GTSF1: variants seen among roughly 807,000 people sequenced by gnomAD.
GTSF1 encodes gametocyte specific factor 1.
GTSF1 carries 11 observed loss-of-function variants against 28.9 expected under a neutral mutation model. That is an observed-to-expected ratio of 0.38 (90% CI 0.24 to 0.63). The LOEUF (loss-of-function observed/expected upper bound fraction) is 0.63. Ranked by LOEUF, GTSF1 falls within the 30% of genes least tolerant of loss-of-function variation. The pLI is 0.56. For missense variants in GTSF1, 146 were observed against 201.0 expected (o/e 0.73, Z 1.66); for synonymous variants, 69 against 65.6 (o/e 1.05, Z -0.25).
intron 2 of GTSF1, among the ~76,000 whole-genome samples, chr12:54,469,192 C>T (rs1433302729): frequency 6.6e-6 from 1 of 152,086 alleles, no homozygotes; most frequent in African/African-American, 2.4e-5. Flanking sequence ...AATTCTCCTG[C>T]CTCAGCCTCC....
rs1264988725 is a variant in GTSF1, at chr12:54,471,244, T to C, written c.5A>G (p.Glu2Gly). Residue 2 changes from glutamate (E) to glycine (G), a missense_variant, in exon 2 of 9, where the codon GAA becomes GGA. Coordinates refer to ENST00000305879, the MANE Select transcript of GTSF1 (RefSeq NM_144594.3). ...CAAGGAGTACATACTGTAAGTTTCT[T>C]CCATGTTGGAAATGAAGAAGCTGAA... M[E>G]ETYTDSLDPE... The C allele has an allele frequency of 1.3e-6, 2 of 1,594,098 alleles. No individual in the cohort carries two copies. The highest frequency in any genetic ancestry group is 1.7e-4 in the Middle Eastern group (1 of 5,956).
chr12:54,472,800 T>C (rs556270027), intron 1 of GTSF1, among the ~76,000 whole-genome samples: 10 of 152,324 alleles, frequency 6.6e-5, no homozygotes, highest in Admixed American at 3.3e-4. Flanking sequence ...TGACAATCAT[T>C]AGTGAATTTG....
rs758444307 is a variant in GTSF1, at chr12:54,459,243, T to C, written c.488-118A>G. 1.8e-5 allele frequency: 26 copies of C among 1,416,584 alleles called. No homozygotes were observed. In the South Asian group the frequency reaches 2.4e-4, roughly 13 times the overall value. The allele number at this position is 1,416,584 out of a possible 1,614,324, so 87.8% of individuals were successfully genotyped here. A position where few individuals can be genotyped will look rare whatever the true frequency, so the allele number is the denominator to read the frequency against. ...TGTATACTGAATTATAATATAAAAG[T>C]AGAAGAATTTAATATTAGTAATCAG... On this transcript the variant is annotated intron_variant, in intron 7 of 8. Transcript: ENST00000305879.
chr12:54,464,367 G>A (rs1458214010), intron 3 of GTSF1, among the ~76,000 whole-genome samples: 1 of 152,186 alleles, frequency 6.6e-6, no homozygotes, highest in Non-Finnish European at 1.5e-5. Flanking sequence ...GATACATGAT[G>A]TTTCCAGGAT....
intron 1 of GTSF1, among the ~76,000 whole-genome samples, chr12:54,473,073 G>C (rs1183221958): frequency 6.6e-6 from 1 of 152,132 alleles, no homozygotes. Context: ...ACTTAGCCGT[G>C]TCTGTTTTAA....
At chr12:54,463,544 T>C (rs1339795835) in intron 3 of GTSF1, among the ~76,000 whole-genome samples, 2 of 152,212 alleles carry the variant, frequency 1.3e-5, no homozygotes, top group Non-Finnish European at 2.9e-5. Flanking sequence ...AACACAGATA[T>C]TGTTAGCTAA....
At chr12:54,457,799 T>C (rs1005715367) in intron 8 of GTSF1, among the ~76,000 whole-genome samples, 1 of 152,202 alleles carries the variant, frequency 6.6e-6, no homozygotes, top group African/African-American at 2.4e-5. Flanking sequence ...TCTCTTTTCC[T>C]TCTGGGACCA....
At chr12:54,473,121 C>G (rs1313810273) in intron 1 of GTSF1, among the ~76,000 whole-genome samples, 1 of 152,104 alleles carries the variant, frequency 6.6e-6, no homozygotes, top group Non-Finnish European at 1.5e-5. Flanking sequence ...GATTCTTTAC[C>G]TTTTCCCTAC....
At chr12:54,471,115 T>A (rs376783306) in intron 2 of GTSF1, 118 bp downstream of exon 2, 8 of 662,068 alleles carry the variant, frequency 1.2e-5, no homozygotes, top group Middle Eastern at 4.6e-4. Context: ...CATAAAGACT[T>A]TTCCTCCTTA....
Position 54,471,242 on chromosome 12 carries a change from C to T in GTSF1, c.7G>A (p.Glu3Lys). The T allele has an allele frequency of 6.3e-7, 1 of 1,592,952 alleles. No individual in the cohort carries two copies. The highest frequency in any genetic ancestry group is 8.5e-7 in the Non-Finnish European group (1 of 1,171,722). ME[E>K]TYTDSLDPEK... The stretch of plus-strand genomic sequence containing the variant: ...AACAAGGAGTACATACTGTAAGTTT[C>T]TTCCATGTTGGAAATGAAGAAGCTG... The change falls in exon 2 of 9, where the codon GAA (glutamate) becomes AAA (lysine). Residue 3 changes from glutamate to lysine, a missense_variant. Glu to Lys is a moderately conservative substitution (Grantham distance 56). Coordinates refer to ENST00000305879, the MANE Select transcript of GTSF1 (RefSeq NM_144594.3).
intron 5 of GTSF1, among the ~76,000 whole-genome samples, 198 bp downstream of exon 5, chr12:54,462,444 C>T (rs1274034896): frequency 6.6e-6 from 1 of 152,128 alleles, no homozygotes; most frequent in African/African-American, 2.4e-5. Context: ...TAAAGAAGTG[C>T]TTTTTCCAAT....
At chr12:54,459,722 CTTTTT>C in intron 7 of GTSF1, 23 of 133,030 alleles carry the variant, frequency 1.7e-4, no homozygotes, top group South Asian at 1.0e-3. Flanking sequence ...GATATTATGC[CTTTTT>C]TTTTTTTTTT....
At chr12:54,459,719 TGCC>T in intron 7 of GTSF1, 2 of 168,220 alleles carry the variant, frequency 1.2e-5, no homozygotes, top group Non-Finnish European at 2.5e-5. Context: ...ACTGATATTA[TGCC>T]TTTTTTTTTT....
intron 1 of GTSF1, among the ~76,000 whole-genome samples, chr12:54,471,505 A>T (rs1473017572): frequency 6.6e-6 from 1 of 152,174 alleles, no homozygotes; most frequent in African/African-American, 2.4e-5. Context: ...GGGCCTACCA[A>T]ATAGTTAAGA....
At chr12:54,459,694 T>TGATCCCAATTCCC in intron 7 of GTSF1, 1 of 205,994 alleles carries the variant, frequency 4.9e-6, no homozygotes, top group Non-Finnish European at 9.9e-6. Flanking sequence ...ATCCAATTTC[T>TGATCCCAATTCCC]GATCCCAATT....
In GTSF1 at chr12:54,456,042, G is replaced by A. The variant is rs1400549660; in HGVS notation, c.*132C>T. Reference sequence around the variant, plus strand: ...GGATTCAAGGGGGGAGGAAAAAAGTGTGCTTGTCAGTTTGGAAAGTCACAG... The same window carrying A: ...GGATTCAAGGGGGGAGGAAAAAAGTATGCTTGTCAGTTTGGAAAGTCACAG... On this transcript the variant is annotated 3_prime_UTR_variant, in exon 9 of 9. Transcript: ENST00000305879. 6.6e-6 allele frequency: 1 copy of A among 152,582 alleles called. No individual in the cohort carries two copies. Among genetic ancestry groups the A allele is most frequent in the Non-Finnish European group, 1.5e-5 (1 of 68,028 alleles). The allele number at this position is 152,582 out of a possible 1,614,324, so 9.5% of individuals were successfully genotyped here.
intron 3 of GTSF1, chr12:54,464,741 C>T (rs1956482704): frequency 5.8e-6 from 1 of 173,514 alleles, no homozygotes; most frequent in Non-Finnish European, 1.2e-5. Context: ...CATTGTTAGG[C>T]TCATGAATAC....
In GTSF1 at chr12:54,456,137, C is replaced by T. The variant is rs1039082064; in HGVS notation, c.*37G>A. 2.0e-5 allele frequency: 3 copies of T among 152,448 alleles called. No individual in the cohort carries two copies. Among genetic ancestry groups the T allele is most frequent in the African/African-American group, 7.2e-5 (3 of 41,390 alleles). 9.4% of individuals were successfully genotyped at this position (152,448 alleles called of 1,614,324 possible). A position where few individuals can be genotyped will look rare whatever the true frequency, so the allele number is the denominator to read the frequency against. On this transcript the variant is annotated 3_prime_UTR_variant, in exon 9 of 9. Transcript: ENST00000305879. ...CACTGGTAGAAGAAGAAGCAACAGT[C>T]TTCTAGGGTCTGGCATCTGCAAGTA...
rs1565657225 is a variant in GTSF1 at position 54,459,724 on chromosome 12, T to C, written c.488-599A>G. 189 of 113,048 alleles carry C rather than the reference T, an allele frequency of 1.7e-3. 1 individual carries two copies. The highest frequency in any genetic ancestry group is 0.01 in the South Asian group (36 of 3,462). 7.0% of individuals were successfully genotyped at this position (113,048 alleles called of 1,614,324 possible). ...CCAATTCCCTACTGATATTATGCCTTTTTTTTTTTTTTTTTTTTTTGAGAC... is the reference window on the plus strand; with the variant it reads ...CCAATTCCCTACTGATATTATGCCTCTTTTTTTTTTTTTTTTTTTTGAGAC... On this transcript the variant is annotated intron_variant, in intron 7 of 8. Transcript: ENST00000305879.
Sources: allele counts gnomAD v4.1 joint callset (sites outside exome capture counted in the v4.1 genomes callset), GRCh38; gene constraint gnomAD v4.1.1; transcripts MANE v1.5; gene names NCBI Gene and HGNC (gene_info 2026-07-23, HGNC 2026-07-21).